Variants in PRAP1 observed in about 807,000 individuals in gnomAD.
The protein encoded by PRAP1 is proline rich acidic protein 1.
In PRAP1, 12 loss-of-function variants were observed where a neutral mutation model predicts 14.6. The ratio of observed to expected loss-of-function variants is 0.82; its 90% confidence interval spans 0.53 to 1.33. PRAP1 has a LOEUF of 1.33. Ranked by LOEUF, PRAP1 falls within the 40% of genes most tolerant of loss-of-function variation. PRAP1 has a pLI of 0.00. For synonymous variants in PRAP1, 81 were observed against 80.3 expected, an observed-to-expected ratio of 1.01 and a Z score of -0.04; for missense variants, 160 against 193.7, an observed-to-expected ratio of 0.83 and a Z score of 1.03.
intron 1 of PRAP1, among the ~76,000 whole-genome samples, chr10:133,349,307 C>T (rs1009494551): frequency 6.6e-6 from 1 of 151,082 alleles, no homozygotes; most frequent in Non-Finnish European, 1.5e-5. Context: ...CCACCACACA[C>T]AAACACACAT....
intron 1 of PRAP1, 51 bp from the exon 2 acceptor site, chr10:133,350,044 C>CAGGGCGCTGCCTGGAGTTA: frequency 6.4e-7 from 1 of 1,562,244 alleles, no homozygotes; most frequent in Non-Finnish European, 8.8e-7. Flanking sequence ...GCCTGGAGTT[C>CAGGGCGCTGCCTGGAGTTA]AGGGCGTCCC....
rs765789030 is a variant in PRAP1, at chr10:133,347,672, C to T, written c.8+247C>T. Among the ~76,000 whole-genome samples, 3 of 152,140 alleles carry T rather than the reference C, an allele frequency of 2.0e-5. No homozygotes were observed. The highest frequency in any genetic ancestry group is 6.5e-5 in the Admixed American group (1 of 15,288). On this transcript the variant is annotated intron_variant, in intron 1 of 4. Transcript: ENST00000433452. This position sits in a 1 kb window ranked among gnomAD's most constrained non-coding sequence, Gnocchi z 5.0. ...TGGTGGAGAATCACCCAGGGACCCC[C>T]ACCCGGAACAAGGAAAGGGGAGGTG...
chr10:133,351,305 C>A lies in PRAP1; in HGVS notation c.76-76C>A. On this transcript the variant is annotated intron_variant, in intron 2 of 4. Coordinates refer to ENST00000433452, the MANE Select transcript of PRAP1 (RefSeq NM_145202.5). This position sits in a 1 kb window ranked among gnomAD's most constrained non-coding sequence, Gnocchi z 4.3. ...CCACCCCATGCAGCCCCAGGTGGGC[C>A]TCGGAGCAACCTCTCCCCAGGTGTC... 1.6e-6 allele frequency: 2 copies of A among 1,253,452 alleles called. No individual in the cohort carries two copies. The highest frequency in any genetic ancestry group is 2.3e-6 in the Non-Finnish European group (2 of 881,674). 77.6% of individuals were successfully genotyped at this position (1,253,452 alleles called of 1,614,324 possible). A position where few individuals can be genotyped will look rare whatever the true frequency, so the allele number is the denominator to read the frequency against.
chr10:133,352,107 C>T lies in PRAP1; in HGVS notation c.229C>T (p.Pro77Ser). 1.2e-6 allele frequency: 2 copies of T among 1,613,198 alleles called. No homozygotes were observed. Among genetic ancestry groups the T allele is most frequent in the Non-Finnish European group, 8.5e-7 (1 of 1,179,984 alleles). The change falls in exon 4 of 5, where the codon CCA becomes TCA. Residue 77 changes from proline (P) to serine (S), a missense_variant. Transcript: ENST00000433452. ...GAAACTCTTGACCACCGAGGAGAAG[C>T]CACGAGGTCAGGGCAGGGGCCCCAT... ...KPKLLTTEEK[P>S]RGQGRGPILP...
chr10:133,350,243 C>T (rs1048495507), intron 2 of PRAP1, 82 bp downstream of exon 2: 26 of 1,295,148 alleles, frequency 2.0e-5, no homozygotes, highest in African/African-American at 1.5e-5. Context: ...GACAAAGGGC[C>T]CCTCTTCTGG....
chr10:133,347,601 C>T lies in PRAP1; in HGVS notation c.8+176C>T, dbSNP rs528187043. On this transcript the variant is annotated intron_variant, in intron 1 of 4. Transcript: ENST00000433452. The surrounding 1 kb of genome is among the most constrained non-coding windows in gnomAD (Gnocchi z 5.0). ...GTCTGGGGTCTGCCACCAGGCTCTA[C>T]CTCCTCTGTGGCCCCGAGTGCACTT... is the stretch of plus-strand genomic sequence containing the variant. 7.2e-4 allele frequency among the ~76,000 whole-genome samples: 109 copies of T among 152,240 alleles called. No individual in the cohort carries two copies. Among genetic ancestry groups the T allele is most frequent in the Non-Finnish European group, 1.2e-3 (79 of 68,016 alleles).
chr10:133,349,419 G>A (rs112973144), intron 1 of PRAP1, among the ~76,000 whole-genome samples: 24 of 151,738 alleles, frequency 1.6e-4, no homozygotes, highest in African/African-American at 5.1e-4. Context: ...ACACACACCC[G>A]AACACGACAC....
At chr10:133,348,325 C>T (rs1848616972) in intron 1 of PRAP1, among the ~76,000 whole-genome samples, 1 of 152,168 alleles carries the variant, frequency 6.6e-6, no homozygotes, top group African/African-American at 2.4e-5. Context: ...CAGGTCCCGG[C>T]CCCGGGCTGT....
At position 133,347,545 on chromosome 10, in the gene PRAP1, G is replaced by T; in HGVS notation, c.8+120G>T. 1 of 1,061,180 alleles carries T rather than the reference G, an allele frequency of 9.4e-7. No individual in the cohort carries two copies. Among genetic ancestry groups the T allele is most frequent in the East Asian group, 2.8e-5 (1 of 36,236 alleles). The allele number at this position is 1,061,180 out of a possible 1,614,324, so 65.7% of individuals were successfully genotyped here. On this transcript the variant is annotated intron_variant, in intron 1 of 4. Coordinates refer to ENST00000433452, the MANE Select transcript of PRAP1 (RefSeq NM_145202.5). This position sits in a 1 kb window ranked among gnomAD's most constrained non-coding sequence, Gnocchi z 5.0. ...GGGGCCTGGTTCAGGGGAGTGTGCG[G>T]GTGGGAGGGAGAAGGAGGGGCCCTC... is the stretch of plus-strand genomic sequence containing the variant.
intron 1 of PRAP1, among the ~76,000 whole-genome samples, chr10:133,349,854 G>A (rs1352849193): frequency 6.6e-6 from 1 of 152,256 alleles, no homozygotes; most frequent in Non-Finnish European, 1.5e-5. Flanking sequence ...ACTGTGAGGA[G>A]CAGAGTCTGG....
rs2133406917 is a variant in PRAP1, at chr10:133,351,864, A to T, written c.129-143A>T. 8.8e-7 allele frequency: 1 copy of T among 1,130,142 alleles called. No individual in the cohort carries two copies. The highest frequency in any genetic ancestry group is 3.1e-4 in the Middle Eastern group (1 of 3,264). 70.0% of individuals were successfully genotyped at this position (1,130,142 alleles called of 1,614,324 possible). On this transcript the variant is annotated intron_variant, in intron 3 of 4. Transcript: ENST00000433452. This position sits in a 1 kb window ranked among gnomAD's most constrained non-coding sequence, Gnocchi z 4.3. Reference sequence around the variant, plus strand: ...CCGGGAGCACTGGGGGCCACTCATCACTGGCTCTTGAGAGAGAGGCTTGTC... The same window carrying T: ...CCGGGAGCACTGGGGGCCACTCATCTCTGGCTCTTGAGAGAGAGGCTTGTC...
At chr10:133,348,268 C>G (rs915647601) in intron 1 of PRAP1, among the ~76,000 whole-genome samples, 3 of 152,192 alleles carry the variant, frequency 2.0e-5, no homozygotes, top group African/African-American at 7.2e-5. Context: ...GCATCAGAAC[C>G]AGCTGGGGGT....
At position 133,348,575 on chromosome 10, in the gene PRAP1, G is replaced by A. The variant is rs1331291932; in HGVS notation, c.8+1150G>A. ...CCCAGGCTGGAGGGACTGCAGTGGCGCCATCTTGGCTCATTGAAACCTCCA... is the reference window on the plus strand; with the variant it reads ...CCCAGGCTGGAGGGACTGCAGTGGCACCATCTTGGCTCATTGAAACCTCCA... On this transcript the variant is annotated intron_variant, in intron 1 of 4. Transcript: ENST00000433452. Among the ~76,000 whole-genome samples the A allele has an allele frequency of 4.6e-5, 7 of 151,656 alleles. No homozygotes were observed. The East Asian group carries it at 7.8e-4, about 17-fold the overall frequency.
rs370742302 is a variant in PRAP1, at chr10:133,347,767, G to A, written c.8+342G>A. Among the ~76,000 whole-genome samples, 754 of 152,206 alleles carry A rather than the reference G, an allele frequency of 5.0e-3. 7 individuals carry two copies. Among genetic ancestry groups the A allele is most frequent in the African/African-American group, 0.014 (595 of 41,524 alleles). The stretch of plus-strand genomic sequence containing the variant: ...GCTGGGGGAGGGGAGGGGCTGGGGC[G>A]CAGGAGCCAGGGGCTGCCCTGAGGT... On this transcript the variant is annotated intron_variant, in intron 1 of 4. Transcript: ENST00000433452. This position sits in a 1 kb window ranked among gnomAD's most constrained non-coding sequence, Gnocchi z 5.0.
chr10:133,349,508 AC>A (rs1589866198), intron 1 of PRAP1, among the ~76,000 whole-genome samples: 1 of 151,812 alleles, frequency 6.6e-6, no homozygotes, highest in Admixed American at 6.6e-5. Context: ...ACATATGCAC[AC>A]CCCCCACCAC....
At chr10:133,349,738 A>G (rs1848647902) in intron 1 of PRAP1, among the ~76,000 whole-genome samples, 1 of 152,098 alleles carries the variant, frequency 6.6e-6, no homozygotes, top group Non-Finnish European at 1.5e-5. Context: ...CCCATGTGCA[A>G]GTGTGTTCAT....
chr10:133,348,127 C>G (rs1477190349), intron 1 of PRAP1, among the ~76,000 whole-genome samples: 6 of 152,210 alleles, frequency 3.9e-5, no homozygotes, highest in Admixed American at 3.3e-4. Flanking sequence ...CACCGACCAC[C>G]TTTCTAGGGG....
Position 133,351,338 on chromosome 10 carries a change from C to G in PRAP1, c.76-43C>G, listed in dbSNP as rs747455124. Reference sequence around the variant, plus strand: ...AACCTCTCCCCAGGTGTCCTCCACCCGCGTGGACTGTGGCCCAGCCCACAC... The same window carrying G: ...AACCTCTCCCCAGGTGTCCTCCACCGGCGTGGACTGTGGCCCAGCCCACAC... On this transcript the variant is annotated intron_variant, in intron 2 of 4. Coordinates refer to ENST00000433452, the MANE Select transcript of PRAP1 (RefSeq NM_145202.5). This position sits in a 1 kb window ranked among gnomAD's most constrained non-coding sequence, Gnocchi z 4.3. 1.9e-6 allele frequency: 3 copies of G among 1,570,900 alleles called. No homozygotes were observed. Among genetic ancestry groups the G allele is most frequent in the Middle Eastern group, 1.7e-4 (1 of 5,988 alleles).
intron 1 of PRAP1, among the ~76,000 whole-genome samples, chr10:133,349,612 G>A (rs995844566): frequency 6.6e-6 from 1 of 152,220 alleles, no homozygotes; most frequent in African/African-American, 2.4e-5. Context: ...CCCCCCAGCC[G>A]TGGCCCCGCA....
Sources: gnomAD v4.1 joint callset for allele counts (sites outside exome capture counted in the v4.1 genomes callset) on GRCh38, gnomAD v4.1.1 for gene constraint, Gnocchi (gnomAD v3.1) non-coding constraint, MANE v1.5 for transcripts, NCBI Gene and HGNC (gene_info 2026-07-23, HGNC 2026-07-21) for gene names.